ACTR3: variants seen among roughly 807,000 people sequenced by gnomAD.
ACTR3 encodes the protein actin-related protein 3.
In ACTR3, 12 loss-of-function variants were observed where a neutral mutation model predicts 56.8. The ratio of observed to expected loss-of-function variants is 0.21; its 90% CI spans 0.14 to 0.34. The LOEUF is 0.34. Ranked by LOEUF, ACTR3 falls within the 10% of genes least tolerant of loss-of-function variation. The pLI is 1.00. For synonymous variants in ACTR3, 162 were observed against 167.4 expected (o/e 0.97, Z 0.25); for missense variants, 282 against 512.5 (o/e 0.55, Z 4.34).
chr2:113,928,703 AT>A (rs58458369), intron 4 of ACTR3, among the ~76,000 whole-genome samples: 150,185 of 151,004 alleles, frequency 0.99, 74,685 homozygotes, highest in Middle Eastern at 1. Flanking sequence ...GTTCCAATAA[AT>A]TTTTTTTTTT....
intron 1 of ACTR3, among the ~76,000 whole-genome samples, chr2:113,894,301 C>T (rs1027343160): frequency 2.6e-5 from 4 of 152,090 alleles, no homozygotes; most frequent in Non-Finnish European, 5.9e-5. Context: ...CCATGTTGGC[C>T]AGGCTGTTGT....
chr2:113,944,466 G>A (rs543343155), intron 8 of ACTR3, among the ~76,000 whole-genome samples: 3 of 151,270 alleles, frequency 2.0e-5, no homozygotes, highest in East Asian at 3.9e-4. Context: ...TTTATGAGGT[G>A]GAATCAAGCT....
chr2:113,920,373 A>G (rs927225775), intron 3 of ACTR3, among the ~76,000 whole-genome samples: 1 of 152,158 alleles, frequency 6.6e-6, no homozygotes, highest in African/African-American at 2.4e-5. Context: ...AAAAAATTTT[A>G]CTTGACATAT....
chr2:113,909,714 A>G lies in ACTR3; in HGVS notation c.45-3458A>G, dbSNP rs186601824. On this transcript the variant is annotated intron_variant, in intron 1 of 11. Transcript: ENST00000263238. ...AAGATATAAGGGAAAAAAGAGTAGC[A>G]GGTGTAGTATGCTTAGAGCTGGGTT... 6.6e-5 allele frequency among the ~76,000 whole-genome samples: 10 copies of G among 151,606 alleles called. No individual in the cohort carries two copies. The East Asian group carries it at 1.9e-3, about 29-fold the overall frequency.
In ACTR3 at chr2:113,943,988, A is replaced by C. The variant is rs1679970476; in HGVS notation, c.858+1629A>C. Among the ~76,000 whole-genome samples, 4 of 152,286 alleles carry C rather than the reference A, an allele frequency of 2.6e-5. No individual in the cohort carries two copies. The South Asian group carries it at 8.3e-4, about 32-fold the overall frequency. On this transcript the variant is annotated intron_variant, in intron 8 of 11. Coordinates refer to ENST00000263238, the MANE Select transcript of ACTR3 (RefSeq NM_005721.5). Reference sequence around the variant, plus strand: ...GAGCCTGCAAAGAATACTGAAGATGACAGAGAGGTAGAAGCCAAGCTAAAG... The same window carrying C: ...GAGCCTGCAAAGAATACTGAAGATGCCAGAGAGGTAGAAGCCAAGCTAAAG...
intron 8 of ACTR3, among the ~76,000 whole-genome samples, chr2:113,948,246 C>T (rs933299250): frequency 4.6e-5 from 7 of 152,222 alleles, no homozygotes; most frequent in South Asian, 2.1e-4. Context: ...TCTCCCCAGG[C>T]TCAGGTGATC....
At chr2:113,927,945 A>C (rs1259671931) in intron 4 of ACTR3, among the ~76,000 whole-genome samples, 1 of 152,174 alleles carries the variant, frequency 6.6e-6, no homozygotes, top group South Asian at 2.1e-4. Context: ...CCTTTGGTTC[A>C]TATTCCCCGG....
intron 1 of ACTR3, among the ~76,000 whole-genome samples, chr2:113,909,882 C>T (rs989239443): frequency 3.9e-5 from 6 of 152,006 alleles, no homozygotes; most frequent in African/African-American, 1.5e-4. Context: ...AACAATTTTA[C>T]AGAAATGGAA....
intron 8 of ACTR3, among the ~76,000 whole-genome samples, chr2:113,946,461 AG>A (rs1185405879): frequency 1.3e-5 from 2 of 152,140 alleles, no homozygotes. Flanking sequence ...TCTAATGATC[AG>A]TGACGTTGAG....
chr2:113,954,505 T>A (rs1680174716), intron 10 of ACTR3: 2 of 152,178 alleles, frequency 1.3e-5, no homozygotes, highest in Middle Eastern at 3.2e-3. Flanking sequence ...GATTTCTCAT[T>A]TTGTGGTCTA....
chr2:113,911,157 A>C (rs1316899964), intron 1 of ACTR3, among the ~76,000 whole-genome samples: 1 of 152,158 alleles, frequency 6.6e-6, no homozygotes, highest in Admixed American at 6.5e-5. Context: ...GCATGAAATG[A>C]GTTGGAGTGT....
chr2:113,903,174 G>A (rs914875645), intron 1 of ACTR3, among the ~76,000 whole-genome samples: 4 of 152,196 alleles, frequency 2.6e-5, no homozygotes, highest in Admixed American at 2.0e-4. Context: ...GGCAACTGCC[G>A]TGCTACTTAT....
chr2:113,907,798 C>G (rs1014824037), intron 1 of ACTR3, among the ~76,000 whole-genome samples: 8 of 151,632 alleles, frequency 5.3e-5, no homozygotes. Context: ...CATGGAGAAA[C>G]CCTGTCTCTA....
chr2:113,931,233 A>T, intron 4 of ACTR3, 68 bp from the exon 5 acceptor site: 1 of 940,702 alleles, frequency 1.1e-6, no homozygotes, highest in Non-Finnish European at 1.5e-6. Flanking sequence ...CTTCTCATTT[A>T]AAAATTGTCA....
chr2:113,911,991 C>G (rs1158982139), intron 1 of ACTR3, among the ~76,000 whole-genome samples: 1 of 152,164 alleles, frequency 6.6e-6, no homozygotes, highest in African/African-American at 2.4e-5. Context: ...CCACCTGCCT[C>G]AGCCTCCCAA....
chr2:113,908,883 A>G (rs766545742), intron 1 of ACTR3, among the ~76,000 whole-genome samples: 12 of 152,244 alleles, frequency 7.9e-5, no homozygotes, highest in Middle Eastern at 6.8e-3. Flanking sequence ...GTCCTGTACC[A>G]CATTTTTTTT....
At chr2:113,896,110 C>T (rs913845511) in intron 1 of ACTR3, among the ~76,000 whole-genome samples, 9 of 152,184 alleles carry the variant, frequency 5.9e-5, no homozygotes, top group Non-Finnish European at 8.8e-5. Flanking sequence ...TCCTCTTGCC[C>T]TGACCTCTTA....
At chr2:113,942,656 A>C (rs1341373616) in intron 8 of ACTR3, among the ~76,000 whole-genome samples, 1 of 151,878 alleles carries the variant, frequency 6.6e-6, no homozygotes, top group East Asian at 1.9e-4. Context: ...TCCCTCCATC[A>C]TGGACTCAGG....
chr2:113,955,788 C>T lies in ACTR3; in HGVS notation c.1161+82C>T. 4 of 1,169,090 alleles carry T rather than the reference C, an allele frequency of 3.4e-6. No individual in the cohort carries two copies. In the South Asian group the frequency reaches 4.2e-5, roughly 12 times the overall value. The allele number at this position is 1,169,090 out of a possible 1,614,324, so 72.4% of individuals were successfully genotyped here. A position where few individuals can be genotyped will look rare whatever the true frequency, so the allele number is the denominator to read the frequency against. On this transcript the variant is annotated intron_variant, in intron 11 of 11. Coordinates refer to ENST00000263238, the MANE Select transcript of ACTR3 (RefSeq NM_005721.5). Reference sequence around the variant, plus strand: ...TTGAGGTGGACTTTCGCTCTTGTCACCCAGGCTGGAGTGCAATGGCATGAT... The same window carrying T: ...TTGAGGTGGACTTTCGCTCTTGTCATCCAGGCTGGAGTGCAATGGCATGAT...
Sources: allele counts gnomAD v4.1 joint callset (sites outside exome capture counted in the v4.1 genomes callset), GRCh38; gene constraint gnomAD v4.1.1; transcripts MANE v1.5; gene names NCBI Gene and HGNC (gene_info 2026-07-23, HGNC 2026-07-21).